Variants in MYO9A observed in about 807,000 individuals in gnomAD.
MYO9A encodes the protein myosin IXA, also known as unconventional myosin-IXa.
In MYO9A, 103 loss-of-function variants were observed where a neutral mutation model predicts 293.3. That is an observed-to-expected ratio of 0.35 (90% CI 0.30 to 0.41). The LOEUF (loss-of-function observed/expected upper bound fraction) is 0.41, where lower values mean the gene tolerates loss of function less well. MYO9A is among the 10% of genes least tolerant of loss of function. MYO9A has a pLI of 1.00. For synonymous variants in MYO9A, 1,001 were observed against 1,035.7 expected, an observed-to-expected ratio of 0.97 and a Z score of 0.64; for missense variants, 2,685 against 3,033.0, an observed-to-expected ratio of 0.89 and a Z score of 2.69.
chr15:72,036,004 T>C (rs1317612707), intron 2 of MYO9A, among the ~76,000 whole-genome samples: 3 of 151,056 alleles, frequency 2.0e-5, no homozygotes, highest in Non-Finnish European at 4.4e-5. Context: ...TAGAATTTTA[T>C]AATATGATTA....
chr15:71,955,410 T>C (rs1430765739), intron 14 of MYO9A, among the ~76,000 whole-genome samples: 2 of 152,238 alleles, frequency 1.3e-5, no homozygotes, highest in Non-Finnish European at 2.9e-5. Context: ...ATTACAGGCG[T>C]GAGCCACTGG....
At chr15:72,044,106 T>C (rs2078309869) in intron 2 of MYO9A, among the ~76,000 whole-genome samples, 1 of 152,108 alleles carries the variant, frequency 6.6e-6, no homozygotes, top group Non-Finnish European at 1.5e-5. Context: ...AAATCTTCTC[T>C]TGGAAATGTT....
At chr15:71,910,143 CGT>C (rs1225708540) in intron 19 of MYO9A, among the ~76,000 whole-genome samples, 17 of 108,000 alleles carry the variant, frequency 1.6e-4, no homozygotes, top group Admixed American at 3.3e-4. Context: ...TATATATATA[CGT>C]GTGTGTGTAT....
intron 12 of MYO9A, among the ~76,000 whole-genome samples, chr15:71,973,095 G>T (rs1203095750): frequency 6.6e-6 from 1 of 152,130 alleles, no homozygotes; most frequent in Admixed American, 6.6e-5. Flanking sequence ...TCAGATCTTG[G>T]TCTGTTTGAG....
At chr15:72,016,389 A>G (rs1028564534) in intron 6 of MYO9A, among the ~76,000 whole-genome samples, 1 of 152,198 alleles carries the variant, frequency 6.6e-6, no homozygotes, top group African/African-American at 2.4e-5. Context: ...ATTTAATAGG[A>G]TAACCCTTAA....
rs758240194 is a variant in MYO9A at position 72,020,899 on chromosome 15, G to A, written c.1098+19C>T. The A allele has an allele frequency of 4.9e-6, 7 of 1,434,868 alleles. No individual in the cohort carries two copies. The highest frequency in any genetic ancestry group is 6.5e-6 in the Non-Finnish European group (7 of 1,076,638). The allele number at this position is 1,434,868 out of a possible 1,614,324, so 88.9% of individuals were successfully genotyped here. On this transcript the variant is annotated intron_variant, in intron 5 of 41. Coordinates refer to ENST00000356056, the MANE Select transcript of MYO9A (RefSeq NM_006901.4). ...TTAATACTGCCCTATACTTCAAAAT[G>A]CTTTTTATGAACTCTCACCTGATTG...
rs138632712 is a variant in MYO9A, at chr15:71,898,011, C to T, written c.4492G>A (p.Glu1498Lys). Residue 1498 changes from glutamate to lysine, a missense_variant, in exon 25 of 42, where the codon GAA (glutamate) becomes AAA (lysine). Transcript: ENST00000356056. Reference protein sequence around the residue: ...KKLEKLNTEKEERQKQLQQQN... With the variant: ...KKLEKLNTEKKERQKQLQQQN... ...TGCTGCAACTGTTTTTGCCTTTCTT[C>T]CTTCTCAGTGTTTAGCTTTTCTAAC... The T allele has an allele frequency of 1.3e-5, 21 of 1,613,980 alleles. No homozygotes were observed. In the African/African-American group the frequency reaches 2.5e-4, roughly 19 times the overall value.
intron 11 of MYO9A, among the ~76,000 whole-genome samples, chr15:71,978,871 G>A (rs531253697): frequency 1.3e-4 from 19 of 151,452 alleles, no homozygotes; most frequent in Middle Eastern, 6.8e-3. Flanking sequence ...CTTACAAAGC[G>A]CTCCATTTTT....
At chr15:71,873,681 A>G (rs1329458283) in intron 32 of MYO9A, among the ~76,000 whole-genome samples, 1 of 152,226 alleles carries the variant, frequency 6.6e-6, no homozygotes, top group African/African-American at 2.4e-5. Flanking sequence ...TTGACTGCTA[A>G]TAAACATTTA....
At chr15:72,038,721 G>A (rs537686426) in intron 2 of MYO9A, among the ~76,000 whole-genome samples, 16 of 152,310 alleles carry the variant, frequency 1.1e-4, no homozygotes, top group Non-Finnish European at 1.0e-4. Flanking sequence ...GAAGGAGCCC[G>A]TGCCCATCAC....
chr15:71,992,453 C>A (rs939812574), intron 10 of MYO9A, among the ~76,000 whole-genome samples: 13 of 152,124 alleles, frequency 8.5e-5, no homozygotes, highest in Admixed American at 6.5e-4. Flanking sequence ...ATAGTAAGAT[C>A]TTTTTTAAAA....
intron 6 of MYO9A, among the ~76,000 whole-genome samples, chr15:72,014,313 T>A (rs2077259191): frequency 2.0e-5 from 3 of 152,216 alleles, no homozygotes; most frequent in Non-Finnish European, 4.4e-5. Flanking sequence ...ACCTTCAAAG[T>A]CAATTGTTCC....
At chr15:71,972,690 A>C (rs1177537766) in intron 12 of MYO9A, among the ~76,000 whole-genome samples, 1 of 151,928 alleles carries the variant, frequency 6.6e-6, no homozygotes, top group African/African-American at 2.4e-5. Flanking sequence ...TTTCCCAAAT[A>C]ACTGGTGTCA....
At chr15:72,098,349 A>G (rs921442528) in intron 1 of MYO9A, among the ~76,000 whole-genome samples, 3 of 152,128 alleles carry the variant, frequency 2.0e-5, no homozygotes, top group Non-Finnish European at 4.4e-5. Flanking sequence ...CTGAATTCCT[A>G]ACCCACCAAA....
chr15:72,079,769 A>C lies in MYO9A; in HGVS notation c.-71-33135T>G, dbSNP rs550008471. 3.5e-4 allele frequency among the ~76,000 whole-genome samples: 54 copies of C among 152,346 alleles called. 1 individual carries two copies. In the South Asian group the frequency reaches 0.01, roughly 29 times the overall value. Reference sequence around the variant, plus strand: ...TTCCAATTCGCTATTATTAGGTTTTATACTACATTTAAAATGTAGGCTTCA... The same window carrying C: ...TTCCAATTCGCTATTATTAGGTTTTCTACTACATTTAAAATGTAGGCTTCA... On this transcript the variant is annotated intron_variant, in intron 1 of 41. Coordinates refer to ENST00000356056, the MANE Select transcript of MYO9A (RefSeq NM_006901.4).
intron 12 of MYO9A, chr15:71,972,201 C>T (rs2076029746): frequency 6.6e-6 from 1 of 152,138 alleles, no homozygotes; most frequent in Non-Finnish European, 1.5e-5. Context: ...AAGGACAGCA[C>T]TTAGAGAGCT....
chr15:71,966,355 T>C (rs1428014813), intron 13 of MYO9A, among the ~76,000 whole-genome samples: 1 of 150,908 alleles, frequency 6.6e-6, no homozygotes, highest in East Asian at 1.9e-4. Flanking sequence ...TTAAGAATGA[T>C]AAAAATTAGG....
chr15:71,833,908 AAAAGAATTAATTAATT>A (rs1219558258), intron 39 of MYO9A, among the ~76,000 whole-genome samples: 9 of 151,894 alleles, frequency 5.9e-5, no homozygotes, highest in Non-Finnish European at 1.2e-4. Flanking sequence ...CATACATTAG[AAAAGAATTAATTAATT>A]AAAGAATTAA....
Position 71,825,108 on chromosome 15 carries a change from C to CA in MYO9A, c.*1471_*1472insT, listed in dbSNP as rs1381826139. 6.6e-6 allele frequency: 1 copy of CA among 152,186 alleles called. No homozygotes were observed. The highest frequency in any genetic ancestry group is 1.5e-5 in the Non-Finnish European group (1 of 68,046). The allele number at this position is 152,186 out of a possible 1,614,324, so 9.4% of individuals were successfully genotyped here. A position where few individuals can be genotyped will look rare whatever the true frequency, so the allele number is the denominator to read the frequency against. On this transcript the variant is annotated 3_prime_UTR_variant, in exon 42 of 42. Transcript: ENST00000356056. ...TTTCACATACTTATCTCAAGAAAGG[C>CA]TATCATGTTTCATTTTTTATATATT...
Sources: allele counts gnomAD v4.1 joint callset (sites outside exome capture counted in the v4.1 genomes callset), GRCh38; gene constraint gnomAD v4.1.1; transcripts MANE v1.5; gene names NCBI Gene and HGNC (gene_info 2026-07-23, HGNC 2026-07-21).